CDC42EP4: variants seen among roughly 807,000 people sequenced by gnomAD.
CDC42EP4 encodes the protein CDC42 effector protein (Rho GTPase binding) 4.
CDC42EP4 carries 6 observed loss-of-function variants against 5.6 expected under a neutral mutation model. That is an observed-to-expected ratio of 1.07 (90% CI 0.59 to 2.12). The LOEUF is 2.12. CDC42EP4 is among the 30% of genes most tolerant of loss of function. The probability of loss-of-function intolerance (pLI) is 0.00; values close to 1 mark genes in which losing one functional copy is unlikely to be tolerated. For missense variants in CDC42EP4, 490 were observed against 508.6 expected, an observed-to-expected ratio of 0.96 and a Z score of 0.35; for synonymous variants, 230 against 224.2, an observed-to-expected ratio of 1.03 and a Z score of -0.23.
At chr17:73,293,137 C>G (rs28449774) in intron 1 of CDC42EP4, among the ~76,000 whole-genome samples, 1 of 152,066 alleles carries the variant, frequency 6.6e-6, no homozygotes, top group Non-Finnish European at 1.5e-5. Flanking sequence ...CATGAGCCAC[C>G]GCACCCAGCC....
chr17:73,307,104 C>T (rs1834267626), intron 1 of CDC42EP4: 1 of 152,260 alleles, frequency 6.6e-6, no homozygotes, highest in African/African-American at 2.4e-5. Flanking sequence ...GAAGGGGAAA[C>T]ACCAGGTGTG....
chr17:73,308,839 G>T (rs1272042502), intron 1 of CDC42EP4, among the ~76,000 whole-genome samples: 1 of 151,190 alleles, frequency 6.6e-6, no homozygotes, highest in African/African-American at 2.4e-5. Flanking sequence ...GTTCGCGACC[G>T]GCCTGGGCAA....
At chr17:73,306,688 C>T (rs557607920) in intron 1 of CDC42EP4, 1 of 152,202 alleles carries the variant, frequency 6.6e-6, no homozygotes, top group Non-Finnish European at 1.5e-5. Context: ...AAGCCCAATT[C>T]CAGGACTTGA....
intron 1 of CDC42EP4, among the ~76,000 whole-genome samples, chr17:73,294,750 A>G (rs2062176622): frequency 6.6e-6 from 1 of 152,156 alleles, no homozygotes; most frequent in South Asian, 2.1e-4. Flanking sequence ...CACACACCAC[A>G]CACACACACG....
At position 73,285,925 on chromosome 17, in the gene CDC42EP4, G is replaced by C. The variant is rs367875010; in HGVS notation, c.576C>G (p.Val192=). The C allele has an allele frequency of 1.9e-6, 3 of 1,613,904 alleles. No individual in the cohort carries two copies. Among genetic ancestry groups the C allele is most frequent in the Non-Finnish European group, 2.5e-6 (3 of 1,180,036 alleles). The change falls in exon 2 of 2, where the codon GTC becomes GTG. Residue 192 remains valine, a synonymous_variant. Coordinates refer to ENST00000335793, the MANE Select transcript of CDC42EP4 (RefSeq NM_012121.5). This position sits in a 1 kb window ranked among gnomAD's most constrained non-coding sequence, Gnocchi z 6.8. ...TCAGCCCGTACGTGGCCTTGGGCAC[G>C]ACAGGCAGATCTGTCAGATCCCCAA... The part of the protein sequence containing the change: ...QAFGDLTDLP[V]VPKATYGLKH...
Position 73,286,222 on chromosome 17 carries a change from G to C in CDC42EP4, c.279C>G (p.Thr93=), listed in dbSNP as rs769016987. The C allele has an allele frequency of 9.9e-6, 16 of 1,614,026 alleles. No homozygotes were observed. The highest frequency in any genetic ancestry group is 1.7e-5 in the Admixed American group (1 of 60,000). ...FRGSKRSQSV[T]RGEREQRDML... is the part of the protein sequence containing the mutation. ...TGTCACGCTGCTCCCGCTCCCCCCTGGTCACCGACTGTGACCGCTTGCTGC... is the reference window on the plus strand; with the variant it reads ...TGTCACGCTGCTCCCGCTCCCCCCTCGTCACCGACTGTGACCGCTTGCTGC... The change falls in exon 2 of 2, where the codon ACC becomes ACG. Residue 93 remains threonine (T), a synonymous_variant. Transcript: ENST00000335793. The surrounding 1 kb of genome is among the most constrained non-coding windows in gnomAD (Gnocchi z 7.7).
At chr17:73,305,974 C>G (rs2062242804) in intron 1 of CDC42EP4, among the ~76,000 whole-genome samples, 1 of 152,120 alleles carries the variant, frequency 6.6e-6, no homozygotes, top group Non-Finnish European at 1.5e-5. Flanking sequence ...TAGTCTCTGC[C>G]AGCAGTCGGG....
chr17:73,309,993 G>C (rs1190265530), intron 1 of CDC42EP4: 2 of 152,412 alleles, frequency 1.3e-5, no homozygotes, highest in Non-Finnish European at 1.5e-5. Context: ...AGCAGGAACC[G>C]GCAGGGCACC....
intron 1 of CDC42EP4, among the ~76,000 whole-genome samples, chr17:73,298,191 T>C (rs2062198745): frequency 7.3e-6 from 1 of 136,794 alleles, no homozygotes; most frequent in African/African-American, 2.8e-5. Flanking sequence ...ATGTCTGTTC[T>C]CTCTCTTCCT....
chr17:73,309,241 A>G (rs113615908), intron 1 of CDC42EP4, among the ~76,000 whole-genome samples: 1 of 152,096 alleles, frequency 6.6e-6, no homozygotes, highest in African/African-American at 2.4e-5. Flanking sequence ...CCAGCTACTC[A>G]GGAGGCTGAA....
At chr17:73,288,546 C>T (rs773701192) in intron 1 of CDC42EP4, among the ~76,000 whole-genome samples, 1 of 152,086 alleles carries the variant, frequency 6.6e-6, no homozygotes, top group African/African-American at 2.4e-5. Flanking sequence ...GTGGGATCAG[C>T]GTGAGCCACC....
At chr17:73,307,051 G>C (rs1348831284) in intron 1 of CDC42EP4, 2 of 152,242 alleles carry the variant, frequency 1.3e-5, no homozygotes, top group Admixed American at 6.5e-5. Context: ...TTCTTGCCTG[G>C]CACTGTGGTT....
At chr17:73,287,640 T>G (rs997876230) in intron 1 of CDC42EP4, among the ~76,000 whole-genome samples, 1 of 152,172 alleles carries the variant, frequency 6.6e-6, no homozygotes, top group Admixed American at 6.5e-5. Flanking sequence ...GCTGGGCAGG[T>G]TGGGGAGAGA....
chr17:73,296,730 C>T (rs907864594), intron 1 of CDC42EP4, among the ~76,000 whole-genome samples: 3 of 151,952 alleles, frequency 2.0e-5, no homozygotes, highest in African/African-American at 7.3e-5. Flanking sequence ...CGCCTGTAAT[C>T]CCAGCACTTT....
intron 1 of CDC42EP4, among the ~76,000 whole-genome samples, chr17:73,307,801 C>G (rs1458108881): frequency 7.5e-6 from 1 of 133,742 alleles, no homozygotes; most frequent in South Asian, 2.4e-4. Flanking sequence ...CTCACTCTAT[C>G]GCCCATGCTG....
At chr17:73,291,698 A>T (rs1015145167) in intron 1 of CDC42EP4, among the ~76,000 whole-genome samples, 1 of 151,404 alleles carries the variant, frequency 6.6e-6, no homozygotes, top group Non-Finnish European at 1.5e-5. Context: ...GGACACCCCC[A>T]CCCCACCCCA....
chr17:73,300,986 C>A (rs973378597), intron 1 of CDC42EP4, among the ~76,000 whole-genome samples: 7 of 150,866 alleles, frequency 4.6e-5, no homozygotes, highest in African/African-American at 1.7e-4. Flanking sequence ...GCAGAGTTTG[C>A]GGTGAGCAGA....
rs78222902 is a variant in CDC42EP4 at position 73,284,569 on chromosome 17, G to A, written c.*861C>T. The A allele has an allele frequency of 2.6e-5, 4 of 152,038 alleles. No individual in the cohort carries two copies. In the East Asian group the frequency reaches 5.8e-4, roughly 22 times the overall value. The allele number at this position is 152,038 out of a possible 1,614,324, so 9.4% of individuals were successfully genotyped here. On this transcript the variant is annotated 3_prime_UTR_variant, in exon 2 of 2. Transcript: ENST00000335793. ...GCCACCAGACTCCAGTCCGCTAATCGCCACTGTGAATTTTGAAGAGGAGGC... is the reference window on the plus strand; with the variant it reads ...GCCACCAGACTCCAGTCCGCTAATCACCACTGTGAATTTTGAAGAGGAGGC...
intron 1 of CDC42EP4, among the ~76,000 whole-genome samples, chr17:73,298,576 A>T (rs894378852): frequency 6.6e-6 from 1 of 152,242 alleles, no homozygotes; most frequent in African/African-American, 2.4e-5. Context: ...AAGGGAGCAG[A>T]GAAAACAAGA....
Sources: allele counts gnomAD v4.1 joint callset (sites outside exome capture counted in the v4.1 genomes callset), GRCh38; gene constraint gnomAD v4.1.1; non-coding constraint Gnocchi (gnomAD v3.1); transcripts MANE v1.5; gene names NCBI Gene and HGNC (gene_info 2026-07-23, HGNC 2026-07-21).